BCL11A: variants seen among roughly 807,000 people sequenced by gnomAD.
BCL11A encodes the protein B cell CLL/lymphoma 11A.
In BCL11A, 2 loss-of-function variants were observed where a neutral mutation model predicts 55.9. The observed-to-expected ratio is 0.04, with a 90% CI of 0.01 to 0.11. BCL11A has a LOEUF of 0.11. Ranked by LOEUF, BCL11A falls within the 10% of genes least tolerant of loss-of-function variation. The pLI, the probability that BCL11A is intolerant of heterozygous loss-of-function variation, is 1.00. For missense variants in BCL11A, 817 were observed against 1,137.1 expected, an observed-to-expected ratio of 0.72 and a Z score of 4.05; for synonymous variants, 465 against 473.4, an observed-to-expected ratio of 0.98 and a Z score of 0.23.
intron 2 of BCL11A, among the ~76,000 whole-genome samples, chr2:60,487,116 G>A (rs1678323579): frequency 6.6e-6 from 1 of 152,232 alleles, no homozygotes; most frequent in African/African-American, 2.4e-5. Context: ...GAAGGGGAAG[G>A]ATAGTGCAAC....
intron 2 of BCL11A, among the ~76,000 whole-genome samples, chr2:60,515,814 G>A (rs1668702859): frequency 6.6e-6 from 1 of 152,144 alleles, no homozygotes; most frequent in African/African-American, 2.4e-5. Flanking sequence ...TTCTGCCCCT[G>A]ACTTGAGCTC....
chr2:60,506,392 TCAGA>T (rs775185872), intron 2 of BCL11A, among the ~76,000 whole-genome samples: 1 of 152,200 alleles, frequency 6.6e-6, no homozygotes, highest in Non-Finnish European at 1.5e-5. Flanking sequence ...CTGGAAAACT[TCAGA>T]CAGTGTTCCT....
chr2:60,511,838 A>C (rs1427120658), intron 2 of BCL11A, among the ~76,000 whole-genome samples: 3 of 152,234 alleles, frequency 2.0e-5, no homozygotes, highest in African/African-American at 7.2e-5. Flanking sequence ...GTTTCTATGA[A>C]GGCAAGGGTT....
intron 2 of BCL11A, among the ~76,000 whole-genome samples, chr2:60,483,392 G>C (rs1350459087): frequency 2.6e-5 from 4 of 152,202 alleles, no homozygotes; most frequent in African/African-American, 9.7e-5. Flanking sequence ...CCAGTGCAAA[G>C]ATCCCTGGCC....
chr2:60,534,310 A>G (rs886254579), intron 2 of BCL11A: 2 of 152,272 alleles, frequency 1.3e-5, no homozygotes, highest in Non-Finnish European at 2.9e-5. Flanking sequence ...TAAAAGATAA[A>G]AGAGTCAGCC....
At position 60,459,367 on chromosome 2, in the gene BCL11A, C is replaced by T; in HGVS notation, c.*1037G>A. 1 of 1,019,704 alleles carries T rather than the reference C, an allele frequency of 9.8e-7. No homozygotes were observed. Among genetic ancestry groups the T allele is most frequent in the Non-Finnish European group, 1.2e-6 (1 of 849,698 alleles). 63.2% of individuals were successfully genotyped at this position (1,019,704 alleles called of 1,614,324 possible). On this transcript the variant is annotated 3_prime_UTR_variant, in exon 4 of 4. Transcript: ENST00000642384. The stretch of plus-strand genomic sequence containing the variant: ...CGTTCCAGGGCTTTTGCACATTACA[C>T]ATTCAATTTAATCATTGTTTAAAAA...
chr2:60,458,280 T>C lies in BCL11A; in HGVS notation c.*2124A>G. 9.7e-7 allele frequency: 1 copy of C among 1,027,088 alleles called. No homozygotes were observed. Among genetic ancestry groups the C allele is most frequent in the Non-Finnish European group, 1.2e-6 (1 of 854,550 alleles). The allele number at this position is 1,027,088 out of a possible 1,614,324, so 63.6% of individuals were successfully genotyped here. A position where few individuals can be genotyped will look rare whatever the true frequency, so the allele number is the denominator to read the frequency against. Reference sequence around the variant, plus strand: ...AAACCTTTCCCCAATGTATGTTTTTTTTTTTTACAACCTGAAGAGCGGTGT... The same window carrying C: ...AAACCTTTCCCCAATGTATGTTTTTCTTTTTTACAACCTGAAGAGCGGTGT... On this transcript the variant is annotated 3_prime_UTR_variant, in exon 4 of 4. Coordinates refer to ENST00000642384, the MANE Select transcript of BCL11A (RefSeq NM_022893.4).
intron 2 of BCL11A, chr2:60,542,603 T>C (rs540265212): frequency 1.3e-5 from 2 of 152,304 alleles, no homozygotes; most frequent in South Asian, 4.1e-4. Flanking sequence ...AATCACACAA[T>C]ATTTTGAATA....
chr2:60,545,802 G>A, intron 2 of BCL11A, 169 bp downstream of exon 2: 2 of 638,384 alleles, frequency 3.1e-6, no homozygotes, highest in South Asian at 3.9e-5. Flanking sequence ...ATTTTTCTGT[G>A]TTCTGGACGT....
chr2:60,452,006 A>C (rs1675742504), exon 5 of BCL11A: 1 of 227,022 alleles, frequency 4.4e-6, no homozygotes, highest in South Asian at 1.8e-4. Context: ...GCGGTAACCT[A>C]GTTCCCCTCC....
At chr2:60,503,827 T>A (rs905013402) in intron 2 of BCL11A, among the ~76,000 whole-genome samples, 1 of 152,188 alleles carries the variant, frequency 6.6e-6, no homozygotes, top group Non-Finnish European at 1.5e-5. Context: ...TTGTCAGAGC[T>A]TTATTATTTT....
Position 60,461,738 on chromosome 2 carries a change from G to T in BCL11A, c.1174C>A (p.Leu392Met). 1 of 1,614,100 alleles carries T rather than the reference G, an allele frequency of 6.2e-7. No individual in the cohort carries two copies. The highest frequency in any genetic ancestry group is 8.5e-7 in the Non-Finnish European group (1 of 1,180,054). ...CGKTFKFQSN[L>M]VVHRRSHTGE... ...GTGTGGCTGCGCCGGTGCACCACCA[G>T]GTTGCTCTGAAATTTGAACGTCTTG... is the stretch of plus-strand genomic sequence containing the variant. The change falls in exon 4 of 4, where the codon CTG (leucine) becomes ATG (methionine). Residue 392 changes from leucine (L) to methionine (M), a missense_variant. Coordinates refer to ENST00000642384, the MANE Select transcript of BCL11A (RefSeq NM_022893.4).
intron 2 of BCL11A, among the ~76,000 whole-genome samples, chr2:60,500,613 C>A (rs1308080088): frequency 6.6e-6 from 1 of 152,194 alleles, no homozygotes; most frequent in East Asian, 1.9e-4. Context: ...GGGTTCAGAG[C>A]TAGGCTGGTG....
At chr2:60,496,131 G>T (rs7565301) in intron 2 of BCL11A, among the ~76,000 whole-genome samples, 1 of 152,048 alleles carries the variant, frequency 6.6e-6, no homozygotes, top group East Asian at 1.9e-4. Flanking sequence ...TGCAGGAAAT[G>T]GATTACGGAA....
chr2:60,524,667 C>T (rs1669133007), intron 2 of BCL11A: 2 of 152,074 alleles, frequency 1.3e-5, no homozygotes, highest in South Asian at 4.2e-4. Context: ...TCAAGAGTGC[C>T]TGTGTCCTAC....
chr2:60,488,387 A>T (rs1413416468), intron 2 of BCL11A, among the ~76,000 whole-genome samples: 1 of 152,234 alleles, frequency 6.6e-6, no homozygotes, highest in East Asian at 1.9e-4. Flanking sequence ...ACAGCATTTA[A>T]AGATGACAGT....
intron 2 of BCL11A, among the ~76,000 whole-genome samples, chr2:60,496,774 G>GCT (rs10657650): frequency 0.42 from 62,445 of 149,178 alleles, 13,552 homozygotes; most frequent in East Asian, 0.77. Flanking sequence ...CACTGTGAGT[G>GCT]CTCTCTCTCT....
intron 2 of BCL11A, among the ~76,000 whole-genome samples, chr2:60,488,078 A>G (rs1678389169): frequency 2.6e-5 from 4 of 152,248 alleles, no homozygotes; most frequent in Admixed American, 2.6e-4. Context: ...TTTTAAAAAC[A>G]CAGTAACACT....
intron 2 of BCL11A, among the ~76,000 whole-genome samples, chr2:60,513,356 C>T (rs6740203): frequency 0.38 from 57,877 of 151,948 alleles, 11,705 homozygotes; most frequent in African/African-American, 0.45. Flanking sequence ...GTCCCTGCTC[C>T]CTCAGGAGCC....
Sources: allele counts gnomAD v4.1 joint callset (sites outside exome capture counted in the v4.1 genomes callset), GRCh38; gene constraint gnomAD v4.1.1; transcripts MANE v1.5; gene names NCBI Gene and HGNC (gene_info 2026-07-23, HGNC 2026-07-21).